IL12RB1: variants seen among roughly 807,000 people sequenced by gnomAD.
IL12RB1 encodes interleukin-12 receptor subunit beta-1.
IL12RB1 carries 64 observed loss-of-function variants against 94.4 expected under a neutral mutation model. The observed-to-expected ratio is 0.68, with a 90% CI of 0.55 to 0.83. The LOEUF is 0.83. Among genes scored for constraint, IL12RB1 ranks in the 40% least tolerant of loss-of-function variants. IL12RB1 has a pLI of 0.00. For missense variants in IL12RB1, 814 were observed against 855.6 expected, an observed-to-expected ratio of 0.95 and a Z score of 0.61; for synonymous variants, 362 against 355.5, an observed-to-expected ratio of 1.02 and a Z score of -0.21.
rs540572223 is a variant in IL12RB1 at position 18,076,080 on chromosome 19, G to A, written c.581-212C>T. On this transcript the variant is annotated intron_variant, in intron 6 of 16. Coordinates refer to ENST00000593993, the MANE Select transcript of IL12RB1 (RefSeq NM_005535.3). ...GCCCCTCAGTTCAAGTCCTGGCTGC[G>A]GCCATCCCTTCGGTCGTGACCTTGG... Among the ~76,000 whole-genome samples, 194 of 152,196 alleles carry A rather than the reference G, an allele frequency of 1.3e-3. 1 individual carries two copies. The highest frequency in any genetic ancestry group is 4.4e-3 in the African/African-American group (183 of 41,522).
intron 12 of IL12RB1, among the ~76,000 whole-genome samples, chr19:18,065,071 C>T (rs551398603): frequency 1.3e-5 from 2 of 152,176 alleles, no homozygotes; most frequent in Non-Finnish European, 2.9e-5. Context: ...AAATATGAGA[C>T]GTAGCTGCCC....
intron 11 of IL12RB1, among the ~76,000 whole-genome samples, chr19:18,067,028 A>T (rs1020973439): frequency 7.6e-5 from 2 of 26,188 alleles, no homozygotes; most frequent in Non-Finnish European, 1.9e-4. Flanking sequence ...CCCTGTCTTT[A>T]AAAAAAAAAA....
At chr19:18,064,809 T>C (rs531150225) in intron 12 of IL12RB1, among the ~76,000 whole-genome samples, 20 of 152,218 alleles carry the variant, frequency 1.3e-4, no homozygotes, top group Non-Finnish European at 2.8e-4. Context: ...GATCTGAGGT[T>C]GGAGGCAGGA....
intron 14 of IL12RB1, 74 bp downstream of exon 14, chr19:18,062,107 C>T: frequency 2.0e-6 from 2 of 1,019,470 alleles, no homozygotes. Context: ...AATCTGCGGG[C>T]TAAGCTCCAC....
Position 18,060,105 on chromosome 19 carries a change from C to T in IL12RB1, c.1792-20G>A, listed in dbSNP as rs774360770. ...CCAAGTCTGCAGAGGGAGGGTAGGG[C>T]CACAGCTGTGAGCAGAGCTCTACTT... On this transcript the variant is annotated intron_variant, in intron 15 of 16. Coordinates refer to ENST00000593993, the MANE Select transcript of IL12RB1 (RefSeq NM_005535.3). 6.9e-7 allele frequency: 1 copy of T among 1,451,518 alleles called. No individual in the cohort carries two copies. The highest frequency in any genetic ancestry group is 1.4e-5 in the African/African-American group (1 of 71,826). The allele number at this position is 1,451,518 out of a possible 1,614,324, so 89.9% of individuals were successfully genotyped here.
chr19:18,062,633 G>A (rs1424859446), intron 13 of IL12RB1, among the ~76,000 whole-genome samples: 6 of 152,012 alleles, frequency 3.9e-5, no homozygotes, highest in African/African-American at 7.2e-5. Context: ...TTAGCTGGGC[G>A]TGGTGGTGTG....
chr19:18,072,477 T>A, intron 8 of IL12RB1, 128 bp from the exon 9 acceptor site: 1 of 708,462 alleles, frequency 1.4e-6, no homozygotes, highest in Non-Finnish European at 2.6e-6. Context: ...GCATCAAAAA[T>A]TAAAAGAATA....
chr19:18,068,605 G>A, intron 10 of IL12RB1, 79 bp from the exon 11 acceptor site: 1 of 1,209,580 alleles, frequency 8.3e-7, no homozygotes. Flanking sequence ...TGTGCCATCT[G>A]CCAGGAACCC....
At chr19:18,063,531 G>T (rs1044481375) in intron 13 of IL12RB1, among the ~76,000 whole-genome samples, 1 of 152,178 alleles carries the variant, frequency 6.6e-6, no homozygotes, top group African/African-American at 2.4e-5. Context: ...AGACCAGGGA[G>T]AAGGGACAGT....
rs190491500 is a variant in IL12RB1 at position 18,068,390 on chromosome 19, A to T, written c.1326T>A (p.Asn442Lys). ...AACCTGCAGGTTTGGGTCACTTACCATTGCCCCCAAAGTGGTAGGTGGACA... is the reference window on the plus strand; with the variant it reads ...AACCTGCAGGTTTGGGTCACTTACCTTTGCCCCCAAAGTGGTAGGTGGACA... ...TVLSTYHFGG[N>K]ASAAGTPHHV... The change falls in exon 11 of 17, where the codon AAT becomes AAA. Residue 442 changes from asparagine to lysine, a missense_variant and splice_region_variant. By Grantham distance (94) the Asn-to-Lys change is moderately conservative. Coordinates refer to ENST00000593993, the MANE Select transcript of IL12RB1 (RefSeq NM_005535.3). 3 of 1,609,592 alleles carry T rather than the reference A, an allele frequency of 1.9e-6. No homozygotes were observed. Among genetic ancestry groups the T allele is most frequent in the South Asian group, 2.2e-5 (2 of 90,804 alleles).
At chr19:18,086,012 T>C (rs1010337719) in intron 1 of IL12RB1, among the ~76,000 whole-genome samples, 4 of 150,842 alleles carry the variant, frequency 2.7e-5, no homozygotes, top group Admixed American at 2.0e-4. Flanking sequence ...GCCCAGGAGT[T>C]CGAGACCAGC....
At chr19:18,093,450 T>C (rs2036736112) in intron 1 of IL12RB1, among the ~76,000 whole-genome samples, 2 of 152,066 alleles carry the variant, frequency 1.3e-5, no homozygotes, top group Non-Finnish European at 2.9e-5. Context: ...GCACTCCTTC[T>C]TGCCCACTGA....
intron 2 of IL12RB1, chr19:18,083,123 G>T: frequency 1.9e-6 from 1 of 535,934 alleles, no homozygotes. Flanking sequence ...TAATTTATCA[G>T]GTTGGGGGGG....
chr19:18,071,432 T>C (rs560602214), intron 9 of IL12RB1: 10 of 616,560 alleles, frequency 1.6e-5, no homozygotes, highest in Non-Finnish European at 2.3e-5. Context: ...TGAAAAAGAG[T>C]GTAGCTCTAT....
chr19:18,083,249 C>G, intron 2 of IL12RB1, 183 bp downstream of exon 2: 1 of 693,522 alleles, frequency 1.4e-6, no homozygotes, highest in Non-Finnish European at 2.6e-6. Flanking sequence ...AGGCGGCTGG[C>G]TACTCCAGGG....
At chr19:18,075,026 T>G (rs1457946849) in intron 7 of IL12RB1, among the ~76,000 whole-genome samples, 1 of 149,798 alleles carries the variant, frequency 6.7e-6, no homozygotes, top group African/African-American at 2.5e-5. Flanking sequence ...CACTCCAGCC[T>G]GGGTGACAGA....
In IL12RB1 at chr19:18,086,844, C is replaced by G; in HGVS notation, c.-21G>C. ...TCCATCGGATCCACGTAGAGCCCCA[C>G]AGCCCCAGGGGAGCCTCTCTGCCAC... is the stretch of plus-strand genomic sequence containing the variant. On this transcript the variant is annotated 5_prime_UTR_variant, in exon 1 of 17. Transcript: ENST00000593993. The G allele has an allele frequency of 6.2e-7, 1 of 1,604,404 alleles. No homozygotes were observed. Among genetic ancestry groups the G allele is most frequent in the Non-Finnish European group, 8.5e-7 (1 of 1,175,600 alleles).
rs769665689 is a variant in IL12RB1, at chr19:18,082,268, G to A, written c.125-4C>T. The stretch of plus-strand genomic sequence containing the variant: ...TCCCTAGGGCCCGAGGCCGAGCCTG[G>A]AAGAGATCCTGTAGGCTTGGGAACA... On this transcript the variant is annotated splice_region_variant and splice_polypyrimidine_tract_variant and intron_variant, in intron 2 of 16. Coordinates refer to ENST00000593993, the MANE Select transcript of IL12RB1 (RefSeq NM_005535.3). The A allele has an allele frequency of 1.3e-6, 2 of 1,577,024 alleles. No homozygotes were observed. The highest frequency in any genetic ancestry group is 1.7e-5 in the Admixed American group (1 of 59,116).
chr19:18,092,467 G>A (rs1446426019), intron 1 of IL12RB1, among the ~76,000 whole-genome samples: 1 of 151,620 alleles, frequency 6.6e-6, no homozygotes, highest in Non-Finnish European at 1.5e-5. Context: ...TCCAGCCTGG[G>A]CAACAAGAGT....
Sources: gnomAD v4.1 joint callset for allele counts (sites outside exome capture counted in the v4.1 genomes callset) on GRCh38, gnomAD v4.1.1 for gene constraint, MANE v1.5 for transcripts, NCBI Gene and HGNC (gene_info 2026-07-23, HGNC 2026-07-21) for gene names.